Variants in ELP4 observed in about 807,000 individuals in gnomAD.
The protein encoded by ELP4 is elongator acetyltransferase complex subunit 4.
In ELP4, 51 loss-of-function variants were observed where a neutral mutation model predicts 48.9. That is an observed-to-expected ratio of 1.04 (90% CI 0.83 to 1.32). The LOEUF (loss-of-function observed/expected upper bound fraction) is 1.32, where lower values mean the gene tolerates loss of function less well. Among genes scored for constraint, ELP4 ranks in the 40% most tolerant of loss-of-function variants. ELP4 has a pLI of 0.00. For synonymous variants in ELP4, 210 were observed against 189.2 expected, an observed-to-expected ratio of 1.11 and a Z score of -0.90; for missense variants, 519 against 514.6, an observed-to-expected ratio of 1.01 and a Z score of -0.08.
intron 9 of ELP4, among the ~76,000 whole-genome samples, chr11:31,739,465 C>T (rs928057532): frequency 6.6e-5 from 10 of 152,040 alleles, no homozygotes; most frequent in Admixed American, 6.5e-5. Flanking sequence ...GAATTTGTTT[C>T]CTTGACATGT....
intron 2 of ELP4, among the ~76,000 whole-genome samples, chr11:31,527,576 A>G (rs1019074978): frequency 6.6e-6 from 1 of 152,082 alleles, no homozygotes; most frequent in Non-Finnish European, 1.5e-5. Context: ...TCATACATCC[A>G]GAAAACATTA....
rs905066773 is a variant in ELP4 at position 31,789,452 on chromosome 11, G to A, written c.*5928G>A. The A allele has an allele frequency of 6.6e-6, 3 of 453,940 alleles. No homozygotes were observed. The highest frequency in any genetic ancestry group is 1.2e-5 in the Non-Finnish European group (3 of 259,656). 28.1% of individuals were successfully genotyped at this position (453,940 alleles called of 1,614,324 possible). The stretch of plus-strand genomic sequence containing the variant: ...CATGTTGTTCCAGGTTTAATTATAT[G>A]CAAAGGAATGATACAAACTTGGAAC... On this transcript the variant is annotated 3_prime_UTR_variant, in exon 10 of 10. Coordinates refer to ENST00000640961, the MANE Select transcript of ELP4 (RefSeq NM_019040.5).
At chr11:31,772,640 A>G (rs1025901910) in intron 9 of ELP4, among the ~76,000 whole-genome samples, 1 of 152,256 alleles carries the variant, frequency 6.6e-6, no homozygotes, top group African/African-American at 2.4e-5. Flanking sequence ...CCATTGGAAT[A>G]CACTGAAGTT....
At chr11:31,584,504 A>G (rs776933239) in intron 3 of ELP4, among the ~76,000 whole-genome samples, 1 of 152,020 alleles carries the variant, frequency 6.6e-6, no homozygotes, top group African/African-American at 2.4e-5. Context: ...TTTATAATTT[A>G]TAGTTTTTTT....
chr11:31,721,634 G>T (rs1211124317), intron 9 of ELP4, among the ~76,000 whole-genome samples: 2 of 151,958 alleles, frequency 1.3e-5, no homozygotes, highest in Non-Finnish European at 2.9e-5. Flanking sequence ...AGGTCTTGTG[G>T]GGAATTTTGG....
intron 9 of ELP4, among the ~76,000 whole-genome samples, chr11:31,671,696 A>G (rs1565105029): frequency 6.6e-6 from 1 of 152,192 alleles, no homozygotes; most frequent in Admixed American, 6.5e-5. Context: ...ACCACTAGAC[A>G]CAGATACCAA....
At chr11:31,762,252 T>C (rs1234263552) in intron 9 of ELP4, 1 of 152,140 alleles carries the variant, frequency 6.6e-6, no homozygotes, top group Non-Finnish European at 1.5e-5. Flanking sequence ...ATAATGTAAA[T>C]ATCACTGAGA....
chr11:31,625,033 T>C (rs75629432), intron 5 of ELP4, among the ~76,000 whole-genome samples: 2 of 151,366 alleles, frequency 1.3e-5, no homozygotes, highest in Non-Finnish European at 3.0e-5. Context: ...TTTTTTTTTT[T>C]CCAATAAATA....
chr11:31,746,920 A>G (rs950392678), intron 9 of ELP4, among the ~76,000 whole-genome samples: 3 of 134,962 alleles, frequency 2.2e-5, no homozygotes, highest in Non-Finnish European at 4.7e-5. Flanking sequence ...AAGTGAAAAA[A>G]ATAAAAAATA....
At position 31,758,225 on chromosome 11, in the gene ELP4, T is replaced by G. The variant is rs565065613; in HGVS notation, c.1144-25168T>G. On this transcript the variant is annotated intron_variant, in intron 9 of 9. Transcript: ENST00000640961. ...TTTCAACTTCTAATTTCAGAGCGTA[T>G]TAACAACCATCCCATGGTTGAATTT... is the stretch of plus-strand genomic sequence containing the variant. Among the ~76,000 whole-genome samples, 17 of 152,348 alleles carry G rather than the reference T, an allele frequency of 1.1e-4. No individual in the cohort carries two copies. The South Asian group carries it at 3.5e-3, about 32-fold the overall frequency.
At chr11:31,653,507 A>T (rs1945366486) in intron 9 of ELP4, 1 of 151,712 alleles carries the variant, frequency 6.6e-6, no homozygotes, top group Non-Finnish European at 1.5e-5. Context: ...TTATATTTTT[A>T]TATAGTGATT....
chr11:31,593,124 A>G (rs1957612852), intron 3 of ELP4, among the ~76,000 whole-genome samples: 1 of 152,214 alleles, frequency 6.6e-6, no homozygotes, highest in African/African-American at 2.4e-5. Context: ...ACTTCTCACA[A>G]TCTAACATTT....
At chr11:31,666,867 T>C (rs1018620068) in intron 9 of ELP4, among the ~76,000 whole-genome samples, 1 of 152,052 alleles carries the variant, frequency 6.6e-6, no homozygotes, top group South Asian at 2.1e-4. Context: ...ATATCAACAT[T>C]TTGAGATGAT....
chr11:31,754,752 A>C (rs1441981808), intron 9 of ELP4, among the ~76,000 whole-genome samples: 2 of 152,104 alleles, frequency 1.3e-5, no homozygotes, highest in African/African-American at 4.8e-5. Flanking sequence ...GGCACCTGTA[A>C]TCCCAGCTAC....
intron 9 of ELP4, among the ~76,000 whole-genome samples, chr11:31,775,592 T>G (rs769983407): frequency 1.3e-5 from 2 of 152,082 alleles, no homozygotes; most frequent in African/African-American, 2.4e-5. Context: ...CTCAGCACTT[T>G]CGGAGGCCAA....
At chr11:31,640,603 AG>A in intron 7 of ELP4, among the ~76,000 whole-genome samples, 3 of 151,960 alleles carry the variant, frequency 2.0e-5, no homozygotes, top group Non-Finnish European at 4.4e-5. Context: ...AATGTTGGGA[AG>A]GACAGGGGAG....
intron 7 of ELP4, among the ~76,000 whole-genome samples, chr11:31,636,447 G>A (rs1156946638): frequency 6.6e-6 from 1 of 151,696 alleles, no homozygotes. Context: ...CCAGCCAATC[G>A]GTGTTCTTAC....
intron 2 of ELP4, among the ~76,000 whole-genome samples, chr11:31,538,830 C>T (rs1194360945): frequency 6.6e-6 from 1 of 152,122 alleles, no homozygotes; most frequent in Non-Finnish European, 1.5e-5. Context: ...ACACTGGCCT[C>T]ATAAAATGAG....
chr11:31,585,998 T>C (rs1957466013), intron 3 of ELP4, among the ~76,000 whole-genome samples: 1 of 152,178 alleles, frequency 6.6e-6, no homozygotes, highest in African/African-American at 2.4e-5. Context: ...GGTGGGAGGA[T>C]CACTTGAGCC....
Sources: gnomAD v4.1 joint callset for allele counts (sites outside exome capture counted in the v4.1 genomes callset) on GRCh38, gnomAD v4.1.1 for gene constraint, MANE v1.5 for transcripts, NCBI Gene and HGNC (gene_info 2026-07-23, HGNC 2026-07-21) for gene names.